The following ROBO2 variants were observed in gnomAD, a reference collection of about 807,000 sequenced individuals.
The protein encoded by ROBO2 is roundabout homolog 2.
In ROBO2, 53 loss-of-function variants were observed where a neutral mutation model predicts 160.8. The observed-to-expected ratio is 0.33, with a 90% CI of 0.26 to 0.41. The LOEUF (loss-of-function observed/expected upper bound fraction) is 0.41, where lower values mean the gene tolerates loss of function less well. ROBO2 is among the 10% of genes least tolerant of loss of function. The pLI, the probability that ROBO2 is intolerant of heterozygous loss-of-function variation, is 1.00. For missense variants in ROBO2, 1,577 were observed against 1,722.4 expected, an observed-to-expected ratio of 0.92 and a Z score of 1.49; for synonymous variants, 664 against 611.7, an observed-to-expected ratio of 1.09 and a Z score of -1.26.
intron 2 of ROBO2, among the ~76,000 whole-genome samples, chr3:77,021,050 T>A (rs1239761975): frequency 6.6e-6 from 1 of 151,888 alleles, no homozygotes; most frequent in African/African-American, 2.4e-5. Flanking sequence ...ATGAAATATT[T>A]TTTAAAAAAA....
At chr3:76,662,319 C>T (rs1173175130) in intron 2 of ROBO2, among the ~76,000 whole-genome samples, 1 of 152,070 alleles carries the variant, frequency 6.6e-6, no homozygotes, top group East Asian at 1.9e-4. Flanking sequence ...CAACTTATTA[C>T]TTCTTTAAAA....
In ROBO2 at chr3:76,445,739, G is replaced by A. The variant is rs542550087; in HGVS notation, c.109+508137G>A. 2.6e-3 allele frequency among the ~76,000 whole-genome samples: 393 copies of A among 152,174 alleles called. 3 individuals carry two copies. The highest frequency in any genetic ancestry group is 9.2e-3 in the African/African-American group (380 of 41,508). Reference sequence around the variant, plus strand: ...GGGATGCAAGGCTGGTTCAACATACGAAAATCAATGAACGTAATCCAGCAT... The same window carrying A: ...GGGATGCAAGGCTGGTTCAACATACAAAAATCAATGAACGTAATCCAGCAT... On this transcript the variant is annotated intron_variant, in intron 2 of 26. Coordinates refer to the ROBO2 transcript ENST00000487694.
intron 2 of ROBO2, among the ~76,000 whole-genome samples, chr3:77,127,102 T>C (rs114719701): frequency 0.012 from 1,843 of 152,220 alleles, 56 homozygotes; most frequent in African/African-American, 0.042. Context: ...ACTTCTTTTT[T>C]TCTTAATGAA....
At chr3:76,537,593 T>C (rs1168390560) in intron 2 of ROBO2, among the ~76,000 whole-genome samples, 1 of 152,070 alleles carries the variant, frequency 6.6e-6, no homozygotes, top group Non-Finnish European at 1.5e-5. Context: ...CCCAAGGTCA[T>C]ATGTGGATCT....
At chr3:76,572,396 GT>G (rs1262618264) in intron 2 of ROBO2, among the ~76,000 whole-genome samples, 1 of 151,886 alleles carries the variant, frequency 6.6e-6, no homozygotes, top group Admixed American at 6.6e-5. Context: ...GTCTTTGTTT[GT>G]TTTTTAATGA....
chr3:76,701,896 C>T (rs553152390), intron 2 of ROBO2, among the ~76,000 whole-genome samples: 12 of 150,014 alleles, frequency 8.0e-5, no homozygotes, highest in Non-Finnish European at 1.0e-4. Flanking sequence ...AGAAGTTGTT[C>T]GGAGAACTGT....
At chr3:77,570,917 C>G (rs901310468) in intron 13 of ROBO2, among the ~76,000 whole-genome samples, 16 of 151,916 alleles carry the variant, frequency 1.1e-4, no homozygotes, top group African/African-American at 3.1e-4. Context: ...TCGCTGTCCC[C>G]CTTCTCACCA....
chr3:76,141,067 A>ATG (rs2071621385), intron 2 of ROBO2, among the ~76,000 whole-genome samples: 1 of 116,708 alleles, frequency 8.6e-6, no homozygotes, highest in Non-Finnish European at 1.8e-5. Context: ...ATACATATAT[A>ATG]TATATATATA....
intron 2 of ROBO2, among the ~76,000 whole-genome samples, chr3:76,135,403 C>G (rs780024974): frequency 2.6e-5 from 4 of 152,108 alleles, no homozygotes; most frequent in Non-Finnish European, 4.4e-5. Context: ...TTACCACTCT[C>G]TTTAATGGTT....
chr3:77,407,832 A>T (rs949203289), intron 2 of ROBO2, among the ~76,000 whole-genome samples: 10 of 152,244 alleles, frequency 6.6e-5, no homozygotes, highest in Non-Finnish European at 1.0e-4. Flanking sequence ...AAGAATGATC[A>T]AACTTTAGTT....
intron 2 of ROBO2, among the ~76,000 whole-genome samples, chr3:76,058,919 G>A (rs201071793): frequency 0.02 from 3,054 of 149,768 alleles, 39 homozygotes; most frequent in East Asian, 0.079. Context: ...TTGTCTTTGC[G>A]ATAGTTTGCT....
At chr3:76,049,874 C>T (rs899254773) in intron 2 of ROBO2, among the ~76,000 whole-genome samples, 1 of 152,004 alleles carries the variant, frequency 6.6e-6, no homozygotes, top group South Asian at 2.1e-4. Context: ...ATTTTTGCCT[C>T]CTGCCGCAGT....
At chr3:77,597,776 T>G (rs2094341279) in intron 19 of ROBO2, among the ~76,000 whole-genome samples, 1 of 152,132 alleles carries the variant, frequency 6.6e-6, no homozygotes, top group Admixed American at 6.5e-5. Flanking sequence ...AAAGAGACAT[T>G]GACCTACTTG....
At chr3:76,984,353 T>C (rs1036059117) in intron 2 of ROBO2, among the ~76,000 whole-genome samples, 4 of 152,146 alleles carry the variant, frequency 2.6e-5, no homozygotes, top group Admixed American at 6.6e-5. Flanking sequence ...AGCCAAGCCT[T>C]TTTCTAAGAC....
At chr3:76,180,581 G>C (rs1282619212) in intron 2 of ROBO2, among the ~76,000 whole-genome samples, 9 of 152,032 alleles carry the variant, frequency 5.9e-5, no homozygotes, top group African/African-American at 2.2e-4. Context: ...CCAACGGCAA[G>C]TCCTGTTACT....
chr3:76,867,855 G>A (rs1012514022), intron 2 of ROBO2, among the ~76,000 whole-genome samples: 2 of 152,130 alleles, frequency 1.3e-5, no homozygotes, highest in African/African-American at 2.4e-5. Flanking sequence ...TGGAGTTTTC[G>A]ATGTGGCAGC....
chr3:77,535,022 C>T (rs963734594), intron 6 of ROBO2, among the ~76,000 whole-genome samples: 2 of 152,046 alleles, frequency 1.3e-5, no homozygotes, highest in Non-Finnish European at 2.9e-5. Context: ...TCACATATTC[C>T]CCATTCTGCT....
At chr3:77,623,958 C>T (rs1228893534) in intron 23 of ROBO2, among the ~76,000 whole-genome samples, 1 of 152,156 alleles carries the variant, frequency 6.6e-6, no homozygotes, top group Non-Finnish European at 1.5e-5. Flanking sequence ...TACATGCTCA[C>T]CTGTGACATG....
intron 1 of ROBO2, among the ~76,000 whole-genome samples, chr3:75,917,023 C>A (rs780658795): frequency 1.3e-5 from 2 of 151,780 alleles, no homozygotes; most frequent in Admixed American, 6.6e-5. Flanking sequence ...TGCGTACTTT[C>A]ATTTTTTAAA....
Sources: allele counts gnomAD v4.1 joint callset (sites outside exome capture counted in the v4.1 genomes callset), GRCh38; gene constraint gnomAD v4.1.1; transcripts MANE v1.5; gene names NCBI Gene and HGNC (gene_info 2026-07-23, HGNC 2026-07-21).